The following HPSE2 variants were observed in gnomAD, a reference collection of about 807,000 sequenced individuals.
The protein encoded by HPSE2 is inactive heparanase-2.
A neutral mutation model predicts 60.5 loss-of-function variants in HPSE2; 38 were observed. The ratio of observed to expected loss-of-function variants is 0.63; its 90% CI spans 0.48 to 0.82. The LOEUF (loss-of-function observed/expected upper bound fraction) is 0.82. Among genes scored for constraint, HPSE2 ranks in the 40% least tolerant of loss-of-function variants. HPSE2 has a pLI of 0.00. For synonymous variants in HPSE2, 295 were observed against 293.2 expected (o/e 1.01, Z -0.06); for missense variants, 713 against 740.4 (o/e 0.96, Z 0.43).
chr10:99,163,266 T>C (rs1422618370), intron 2 of HPSE2, among the ~76,000 whole-genome samples: 2 of 152,152 alleles, frequency 1.3e-5, no homozygotes, highest in Non-Finnish European at 2.9e-5. Flanking sequence ...AAATATTTTT[T>C]AGTGTACAAA....
intron 2 of HPSE2, among the ~76,000 whole-genome samples, chr10:99,208,618 G>C (rs975063005): frequency 2.6e-5 from 4 of 151,368 alleles, no homozygotes; most frequent in African/African-American, 9.7e-5. Context: ...CCAGCAGGTC[G>C]AGGCTGCAGT....
chr10:98,899,558 A>G (rs989650427), intron 3 of HPSE2, among the ~76,000 whole-genome samples: 3 of 152,200 alleles, frequency 2.0e-5, no homozygotes, highest in South Asian at 4.1e-4. Flanking sequence ...GCCCATGAAA[A>G]AAATGTTCAA....
the HPSE2 span, among the ~76,000 whole-genome samples, chr10:99,262,625 G>A: frequency 2.0e-5 from 3 of 152,054 alleles, no homozygotes; most frequent in East Asian, 1.9e-4. Context: ...GTTATCACTC[G>A]CCTGTTACAG....
intron 3 of HPSE2, among the ~76,000 whole-genome samples, chr10:99,014,204 G>C (rs752312228): frequency 6.6e-6 from 1 of 152,204 alleles, no homozygotes; most frequent in Non-Finnish European, 1.5e-5. Context: ...AACGAGCCTC[G>C]CAAGCCACCG....
intron 6 of HPSE2, among the ~76,000 whole-genome samples, chr10:98,645,891 C>G (rs772365345): frequency 6.6e-6 from 1 of 152,108 alleles, no homozygotes; most frequent in Non-Finnish European, 1.5e-5. Context: ...AGGAGAATGG[C>G]GTGAACCCGG....
intron 3 of HPSE2, among the ~76,000 whole-genome samples, chr10:98,959,562 T>A (rs1246358170): frequency 6.6e-6 from 1 of 152,116 alleles, no homozygotes; most frequent in Non-Finnish European, 1.5e-5. Flanking sequence ...GATACTAATG[T>A]GTTCAATGAT....
chr10:99,032,645 C>T (rs893552498), intron 3 of HPSE2, among the ~76,000 whole-genome samples: 2 of 152,154 alleles, frequency 1.3e-5, no homozygotes, highest in Non-Finnish European at 2.9e-5. Context: ...TTAAACAATA[C>T]AAACTGGTCT....
At chr10:99,118,064 G>T (rs1296564330) in intron 3 of HPSE2, among the ~76,000 whole-genome samples, 3 of 152,076 alleles carry the variant, frequency 2.0e-5, no homozygotes, top group African/African-American at 7.2e-5. Context: ...CTTTATTTCT[G>T]GGATGCAAGG....
intron 9 of HPSE2, among the ~76,000 whole-genome samples, chr10:98,533,500 T>C (rs1165123531): frequency 6.6e-6 from 1 of 152,220 alleles, no homozygotes; most frequent in Non-Finnish European, 1.5e-5. Context: ...ATTTTAAACA[T>C]ATGTTTTTTA....
intron 4 of HPSE2, among the ~76,000 whole-genome samples, chr10:98,728,748 C>A (rs1949154116): frequency 6.6e-6 from 1 of 152,154 alleles, no homozygotes; most frequent in South Asian, 2.1e-4. Flanking sequence ...TGGCTCATGC[C>A]TGTAATCCCA....
chr10:98,637,047 A>G (rs546966352), intron 7 of HPSE2, among the ~76,000 whole-genome samples: 11 of 152,322 alleles, frequency 7.2e-5, no homozygotes, highest in African/African-American at 2.6e-4. Context: ...TCATCTCCCA[A>G]TGTACACATG....
chr10:98,609,270 T>C (rs1470270882), intron 9 of HPSE2, among the ~76,000 whole-genome samples: 1 of 152,220 alleles, frequency 6.6e-6, no homozygotes, highest in Non-Finnish European at 1.5e-5. Context: ...CTATCTCTAC[T>C]GTAAGCTCCT....
At chr10:99,033,930 C>A (rs954378259) in intron 3 of HPSE2, among the ~76,000 whole-genome samples, 16 of 152,176 alleles carry the variant, frequency 1.1e-4, no homozygotes, top group African/African-American at 3.9e-4. Context: ...CCTATAAACA[C>A]ACACTTACAT....
rs536121273 is a variant in HPSE2, at chr10:98,562,387, A to G, written c.1320+52517T>C. 3.3e-5 allele frequency among the ~76,000 whole-genome samples: 5 copies of G among 152,316 alleles called. No homozygotes were observed. In the East Asian group the frequency reaches 9.6e-4, roughly 29 times the overall value. ...TGGATCCTCACAGACAGCCTCTGAG[A>G]GCATGGAAAGGCAGAGATCAGGTCT... On this transcript the variant is annotated intron_variant, in intron 9 of 11. Coordinates refer to ENST00000370552, the MANE Select transcript of HPSE2 (RefSeq NM_021828.5).
intron 3 of HPSE2, among the ~76,000 whole-genome samples, chr10:99,141,224 A>G (rs11189993): frequency 0.49 from 74,932 of 151,868 alleles, 20,944 homozygotes; most frequent in East Asian, 0.65. Context: ...GACATGCACA[A>G]TAACAACACT....
intron 3 of HPSE2, among the ~76,000 whole-genome samples, chr10:98,751,554 AC>A (rs1254501271): frequency 6.6e-6 from 1 of 152,166 alleles, no homozygotes; most frequent in Non-Finnish European, 1.5e-5. Flanking sequence ...CATGATCCAG[AC>A]CCTTAGCTCT....
At chr10:98,880,465 G>A (rs116144951) in intron 3 of HPSE2, among the ~76,000 whole-genome samples, 58 of 152,086 alleles carry the variant, frequency 3.8e-4, no homozygotes, top group African/African-American at 1.4e-3. Flanking sequence ...TCCAGGCCTG[G>A]CATTTCAGTT....
chr10:98,751,567 G>A (rs1004356094), intron 3 of HPSE2, among the ~76,000 whole-genome samples: 5 of 152,192 alleles, frequency 3.3e-5, no homozygotes, highest in African/African-American at 9.7e-5. Flanking sequence ...CTTAGCTCTT[G>A]GAAGACAGGG....
intron 3 of HPSE2, among the ~76,000 whole-genome samples, chr10:98,988,398 G>A (rs1956429336): frequency 1.3e-5 from 2 of 152,266 alleles, no homozygotes; most frequent in Admixed American, 6.5e-5. Flanking sequence ...ATCGGGAAAG[G>A]ATTCCCTATT....
Sources: gnomAD v4.1 joint callset for allele counts (sites outside exome capture counted in the v4.1 genomes callset) on GRCh38, gnomAD v4.1.1 for gene constraint, MANE v1.5 for transcripts, NCBI Gene and HGNC (gene_info 2026-07-23, HGNC 2026-07-21) for gene names.